The following PEBP4 variants were observed in gnomAD, a reference collection of about 807,000 sequenced individuals.
The protein encoded by PEBP4 is phosphatidylethanolamine binding protein 4.
PEBP4 carries 22 observed loss-of-function variants against 23.9 expected under a neutral mutation model. That is an observed-to-expected ratio of 0.92 (90% CI 0.66 to 1.31). The LOEUF is 1.31. PEBP4 is among the 40% of genes most tolerant of loss of function. The pLI, the probability that PEBP4 is intolerant of heterozygous loss-of-function variation, is 0.00. For synonymous variants in PEBP4, 112 were observed against 99.3 expected, an observed-to-expected ratio of 1.13 and a Z score of -0.76; for missense variants, 324 against 281.7, an observed-to-expected ratio of 1.15 and a Z score of -1.07.
chr8:22,891,823 C>T (rs780297085), intron 3 of PEBP4, among the ~76,000 whole-genome samples: 9 of 152,228 alleles, frequency 5.9e-5, no homozygotes, highest in Non-Finnish European at 1.2e-4. Context: ...CCTGTAATCC[C>T]AGCACTTCGG....
chr8:22,812,158 A>G (rs1027470826), intron 4 of PEBP4, among the ~76,000 whole-genome samples: 3 of 152,210 alleles, frequency 2.0e-5, no homozygotes, highest in African/African-American at 7.2e-5. Flanking sequence ...GCAAAGTTGC[A>G]GTCTCAGAGA....
At chr8:22,812,559 C>T (rs1806654273) in intron 4 of PEBP4, among the ~76,000 whole-genome samples, 1 of 152,294 alleles carries the variant, frequency 6.6e-6, no homozygotes, top group African/African-American at 2.4e-5. Context: ...AATGGATCCT[C>T]ACAGTACAGG....
At chr8:22,932,049 C>T (rs938029989), upstream of PEBP4, among the ~76,000 whole-genome samples, 2 of 152,254 alleles carry the variant, frequency 1.3e-5, no homozygotes, top group Admixed American at 6.5e-5. Context: ...TCCCACTCTA[C>T]TCTCAGTATC....
chr8:22,820,459 C>T (rs753286420), intron 3 of PEBP4, among the ~76,000 whole-genome samples: 5 of 152,140 alleles, frequency 3.3e-5, no homozygotes, highest in African/African-American at 9.7e-5. Context: ...AATGGAAAAC[C>T]GTCCTGGCCC....
intron 3 of PEBP4, among the ~76,000 whole-genome samples, chr8:22,828,580 C>T (rs1052457977): frequency 6.6e-6 from 1 of 152,174 alleles, no homozygotes; most frequent in Admixed American, 6.5e-5. Context: ...TTCTCTCACA[C>T]CCCATAAACC....
chr8:22,892,718 C>T (rs769737997), intron 3 of PEBP4, among the ~76,000 whole-genome samples: 6 of 152,186 alleles, frequency 3.9e-5, no homozygotes, highest in Non-Finnish European at 8.8e-5. Context: ...CAGATTTACC[C>T]TACCACCTGA....
At chr8:22,735,823 C>T (rs1352738069) in intron 4 of PEBP4, among the ~76,000 whole-genome samples, 1 of 152,206 alleles carries the variant, frequency 6.6e-6, no homozygotes, top group Admixed American at 6.5e-5. Context: ...AACTCTTGGA[C>T]CCCCAAACCC....
chr8:22,751,144 C>T (rs936596228), intron 4 of PEBP4, among the ~76,000 whole-genome samples: 2 of 152,182 alleles, frequency 1.3e-5, no homozygotes, highest in African/African-American at 2.4e-5. Context: ...CCAGGGAATC[C>T]GTGCTGCAGG....
At chr8:22,899,036 G>A (rs1808655253) in intron 3 of PEBP4, among the ~76,000 whole-genome samples, 1 of 152,244 alleles carries the variant, frequency 6.6e-6, no homozygotes, top group Non-Finnish European at 1.5e-5. Context: ...GTACAGCACG[G>A]TGGTTCATTC....
At chr8:22,822,546 AT>A (rs541585684) in intron 3 of PEBP4, among the ~76,000 whole-genome samples, 64 of 152,102 alleles carry the variant, frequency 4.2e-4, no homozygotes, top group South Asian at 2.1e-3. Context: ...TCTTCTTTTT[AT>A]TTTTTTGCAA....
chr8:22,891,537 G>A (rs147661749), intron 3 of PEBP4, among the ~76,000 whole-genome samples: 22 of 152,326 alleles, frequency 1.4e-4, no homozygotes, highest in African/African-American at 5.3e-4. Context: ...AATACAGTTA[G>A]GCATAGTACT....
intron 4 of PEBP4, among the ~76,000 whole-genome samples, chr8:22,766,411 G>T (rs537198856): frequency 6.6e-6 from 1 of 152,330 alleles, no homozygotes; most frequent in Non-Finnish European, 1.5e-5. Flanking sequence ...CTGTGCACTG[G>T]CTTTCTCATT....
intron 3 of PEBP4, among the ~76,000 whole-genome samples, chr8:22,818,099 G>A (rs1317517701): frequency 5.3e-5 from 8 of 152,204 alleles, no homozygotes; most frequent in African/African-American, 1.9e-4. Context: ...TAGTTGGAGT[G>A]ACTTGTTTAT....
chr8:22,772,952 T>A (rs1805744825), intron 4 of PEBP4, among the ~76,000 whole-genome samples: 1 of 152,184 alleles, frequency 6.6e-6, no homozygotes, highest in Non-Finnish European at 1.5e-5. Flanking sequence ...TGGGCTCTCA[T>A]AGCTAACAGG....
intron 4 of PEBP4, among the ~76,000 whole-genome samples, chr8:22,786,164 G>T (rs1806022797): frequency 6.6e-6 from 1 of 152,188 alleles, no homozygotes; most frequent in Non-Finnish European, 1.5e-5. Context: ...TTCTGGAGGG[G>T]CTCTGGATTA....
At chr8:22,868,729 G>C (rs1002744268) in intron 3 of PEBP4, among the ~76,000 whole-genome samples, 1 of 151,860 alleles carries the variant, frequency 6.6e-6, no homozygotes, top group African/African-American at 2.4e-5. Flanking sequence ...CCCCCATATC[G>C]AATCTAGCAG....
intron 3 of PEBP4, chr8:22,884,426 T>A (rs1395887885): frequency 6.6e-6 from 1 of 152,204 alleles, no homozygotes; most frequent in East Asian, 1.9e-4. Context: ...CTGAGCCTAT[T>A]AGAATGTCAG....
intron 4 of PEBP4, among the ~76,000 whole-genome samples, chr8:22,795,520 C>T (rs574196812): frequency 5.9e-5 from 9 of 152,174 alleles, no homozygotes; most frequent in African/African-American, 2.2e-4. Context: ...TTCTATTCTA[C>T]CCTTCCCTTA....
At chr8:22,898,703 C>A (rs1370322296) in intron 3 of PEBP4, among the ~76,000 whole-genome samples, 1 of 152,178 alleles carries the variant, frequency 6.6e-6, no homozygotes, top group Non-Finnish European at 1.5e-5. Context: ...TTTCTTTATC[C>A]TCTGGAGTTA....
Sources: gnomAD v4.1 joint callset for allele counts (sites outside exome capture counted in the v4.1 genomes callset) on GRCh38, gnomAD v4.1.1 for gene constraint, MANE v1.5 for transcripts, NCBI Gene and HGNC (gene_info 2026-07-23, HGNC 2026-07-21) for gene names.